The following BRMS1L variants were observed in gnomAD, a reference collection of about 807,000 sequenced individuals.
The protein encoded by BRMS1L is BRMS1 like transcriptional repressor, also known as breast cancer metastasis-suppressor 1-like protein.
In BRMS1L, 23 loss-of-function variants were observed where a neutral mutation model predicts 50.3. The observed-to-expected ratio is 0.46, with a 90% confidence interval of 0.33 to 0.65. The LOEUF (loss-of-function observed/expected upper bound fraction) is 0.65. Ranked by LOEUF, BRMS1L falls within the 30% of genes least tolerant of loss-of-function variation. The pLI is 0.02. For missense variants in BRMS1L, 286 were observed against 386.1 expected (o/e 0.74, Z 2.17); for synonymous variants, 114 against 126.9 (o/e 0.90, Z 0.69).
intron 4 of BRMS1L, among the ~76,000 whole-genome samples, chr14:35,861,926 T>G (rs1315407397): frequency 6.6e-6 from 1 of 152,200 alleles, no homozygotes; most frequent in Non-Finnish European, 1.5e-5. Context: ...GCTTTTTAAA[T>G]TAGGGCTACA....
intron 2 of BRMS1L, among the ~76,000 whole-genome samples, 168 bp from the exon 3 acceptor site, chr14:35,832,810 A>G (rs551074492): frequency 3.3e-5 from 5 of 152,348 alleles, no homozygotes; most frequent in Non-Finnish European, 7.3e-5. Flanking sequence ...GATTATGTGC[A>G]TAAAGTCAAA....
chr14:35,837,893 C>T (rs1033160635), intron 4 of BRMS1L, among the ~76,000 whole-genome samples: 4 of 152,140 alleles, frequency 2.6e-5, no homozygotes, highest in Admixed American at 1.3e-4. Flanking sequence ...AAAAATTATA[C>T]TTCAAGTTCT....
At chr14:35,865,255 A>G (rs927635226) in intron 7 of BRMS1L, among the ~76,000 whole-genome samples, 7 of 152,244 alleles carry the variant, frequency 4.6e-5, no homozygotes, top group South Asian at 2.1e-4. Flanking sequence ...TCCAAAAAAC[A>G]TTTATTTAGT....
rs192899847 is a variant in BRMS1L at position 35,846,693 on chromosome 14, G to C, written c.441+11770G>C. Among the ~76,000 whole-genome samples, 31 of 152,226 alleles carry C rather than the reference G, an allele frequency of 2.0e-4. No individual in the cohort carries two copies. The East Asian group carries it at 5.6e-3, about 27-fold the overall frequency. On this transcript the variant is annotated intron_variant, in intron 4 of 9. Transcript: ENST00000216807. ...GTCAAGCAGTACACAGTTTTGATAT[G>C]TACTATTATTGGTGATATCCACTTT...
At chr14:35,835,429 T>C (rs926121330) in intron 4 of BRMS1L, among the ~76,000 whole-genome samples, 1 of 152,214 alleles carries the variant, frequency 6.6e-6, no homozygotes, top group Non-Finnish European at 1.5e-5. Flanking sequence ...TTTTTTTGTG[T>C]GTGTGAAAAA....
chr14:35,851,893 C>T (rs2078216120), intron 4 of BRMS1L, among the ~76,000 whole-genome samples: 1 of 152,218 alleles, frequency 6.6e-6, no homozygotes, highest in South Asian at 2.1e-4. Flanking sequence ...TTTGAAAAGA[C>T]TGTTTTTTTC....
At chr14:35,844,833 TATC>T (rs1462011120) in intron 4 of BRMS1L, among the ~76,000 whole-genome samples, 1 of 152,196 alleles carries the variant, frequency 6.6e-6, no homozygotes, top group African/African-American at 2.4e-5. Flanking sequence ...TGTATATTGA[TATC>T]ATATCCAGCC....
At chr14:35,849,260 C>T (rs894344097) in intron 4 of BRMS1L, among the ~76,000 whole-genome samples, 1 of 152,106 alleles carries the variant, frequency 6.6e-6, no homozygotes, top group Admixed American at 6.5e-5. Context: ...TCTGCACATT[C>T]CTGCTACCAA....
In BRMS1L at chr14:35,833,043, C is replaced by G; in HGVS notation, c.299C>G (p.Pro100Arg). 1 of 1,613,320 alleles carries G rather than the reference C, an allele frequency of 6.2e-7. No homozygotes were observed. The highest frequency in any genetic ancestry group is 8.5e-7 in the Non-Finnish European group (1 of 1,179,576). ...CAAGAAGTCATAGCTGGAAAAGCAC[C>G]AGAATACTTGGAACCGCTGGCAACT... ...KLQEVIAGKA[P>R]EYLEPLATLQ... The change falls in exon 3 of 10, where the codon CCA becomes CGA. Residue 100 changes from proline to arginine, a missense_variant. By Grantham distance (103) the Pro-to-Arg change is moderately radical. Around this residue, in one of 5 missense-constraint regions of BRMS1L, gnomAD observed 160 missense variants for 240.6 expected, o/e 0.66. Coordinates refer to ENST00000216807, the MANE Select transcript of BRMS1L (RefSeq NM_032352.4).
intron 4 of BRMS1L, among the ~76,000 whole-genome samples, chr14:35,838,426 C>T: frequency 6.6e-6 from 1 of 152,182 alleles, no homozygotes; most frequent in East Asian, 1.9e-4. Context: ...ATTTCTGGTT[C>T]TAGATGCTTG....
chr14:35,862,619 C>T lies in BRMS1L; in HGVS notation c.471C>T (p.Val157=). The change falls in exon 5 of 10, where the codon GTC becomes GTT. Residue 157 remains valine, a synonymous_variant. Coordinates refer to ENST00000216807, the MANE Select transcript of BRMS1L (RefSeq NM_032352.4). ...AAAAGCTGTTGCTATATGATACAGT[C>T]CAGAGTGAACTAGAGGAGAAGATAA... ...ESEKLLLYDT[V]QSELEEKIRR... 4.3e-6 allele frequency: 7 copies of T among 1,611,172 alleles called. No individual in the cohort carries two copies. The highest frequency in any genetic ancestry group is 5.9e-6 in the Non-Finnish European group (7 of 1,178,426).
chr14:35,852,937 A>G (rs2078230964), intron 4 of BRMS1L, among the ~76,000 whole-genome samples: 1 of 152,150 alleles, frequency 6.6e-6, no homozygotes, highest in Non-Finnish European at 1.5e-5. Flanking sequence ...TCTCAAAAAA[A>G]AAAAAAATTT....
Position 35,867,972 on chromosome 14 carries a change from G to T in BRMS1L, c.794G>T (p.Gly265Val). The T allele has an allele frequency of 6.2e-7, 1 of 1,612,272 alleles. No homozygotes were observed. The highest frequency in any genetic ancestry group is 1.1e-5 in the South Asian group (1 of 90,878). The change falls in exon 9 of 10, where the codon GGT becomes GTT. Residue 265 changes from glycine (G) to valine (V), a missense_variant. This residue lies in a region of BRMS1L where 160 missense variants were observed against 240.6 expected (regional missense o/e 0.66). Coordinates refer to ENST00000216807, the MANE Select transcript of BRMS1L (RefSeq NM_032352.4). The part of the protein sequence containing the change: ...RSEEGRLYYD[G>V]EWYIRGQTIC... ...GAAGAGGGAAGACTATATTATGATGGTGAATGGTATATACGTGGACAAACA... is the reference window on the plus strand; with the variant it reads ...GAAGAGGGAAGACTATATTATGATGTTGAATGGTATATACGTGGACAAACA...
At chr14:35,854,366 A>G (rs1371165418) in intron 4 of BRMS1L, among the ~76,000 whole-genome samples, 1 of 152,132 alleles carries the variant, frequency 6.6e-6, no homozygotes, top group Non-Finnish European at 1.5e-5. Flanking sequence ...AGTTTTTAGG[A>G]TCTTACTTTC....
chr14:35,865,972 A>G, intron 8 of BRMS1L: 2 of 520,210 alleles, frequency 3.8e-6, no homozygotes, highest in Non-Finnish European at 6.7e-6. Flanking sequence ...GTGTTCAGCT[A>G]CATTCTTATT....
intron 5 of BRMS1L, 23 bp from the exon 6 acceptor site, chr14:35,863,847 C>G (rs750204866): frequency 6.2e-7 from 1 of 1,602,898 alleles, no homozygotes; most frequent in East Asian, 2.2e-5. Flanking sequence ...CCCACTAATA[C>G]TTAATCTTTA....
chr14:35,869,746 T>G (rs2078464818), intron 9 of BRMS1L, among the ~76,000 whole-genome samples: 1 of 151,998 alleles, frequency 6.6e-6, no homozygotes, highest in African/African-American at 2.4e-5. Flanking sequence ...CTTGGGAGAC[T>G]GAGGCAGGAG....
chr14:35,833,023 A>C lies in BRMS1L; in HGVS notation c.279A>C (p.Glu93Asp). 5 of 1,613,666 alleles carry C rather than the reference A, an allele frequency of 3.1e-6. No homozygotes were observed. The highest frequency in any genetic ancestry group is 4.2e-6 in the Non-Finnish European group (5 of 1,179,704). Residue 93 changes from glutamate (E) to aspartate (D), a missense_variant, in exon 3 of 10, where the codon GAA (glutamate) becomes GAC (aspartate). Glu to Asp is a conservative substitution (Grantham distance 45, BLOSUM62 2). Around this residue, in one of 5 missense-constraint regions of BRMS1L, gnomAD observed 160 missense variants for 240.6 expected, o/e 0.66. Transcript: ENST00000216807. ...GTCAGGTGGATGCAAAACTACAAGA[A>C]GTCATAGCTGGAAAAGCACCAGAAT... ...RLSQVDAKLQ[E>D]VIAGKAPEYL...
At chr14:35,846,577 G>T (rs1320995848) in intron 4 of BRMS1L, among the ~76,000 whole-genome samples, 1 of 152,102 alleles carries the variant, frequency 6.6e-6, no homozygotes, top group African/African-American at 2.4e-5. Context: ...TCAGTTTTGA[G>T]TTGGTCTGCT....
Sources: gnomAD v4.1 joint callset for allele counts (sites outside exome capture counted in the v4.1 genomes callset) on GRCh38, gnomAD v4.1.1 for gene constraint, gnomAD v4.1.1 regional missense constraint, MANE v1.5 for transcripts, NCBI Gene and HGNC (gene_info 2026-07-23, HGNC 2026-07-21) for gene names.